Variants in ZNF701 observed in about 807,000 individuals in gnomAD.
ZNF701 encodes the protein zinc finger protein 701.
In ZNF701, 6 loss-of-function variants were observed where a neutral mutation model predicts 7.1. That is an observed-to-expected ratio of 0.84 (90% CI 0.46 to 1.66). ZNF701 has a LOEUF of 1.66. Ranked by LOEUF, ZNF701 falls within the 40% of genes most tolerant of loss-of-function variation. The pLI is 0.01. For missense variants in ZNF701, 541 were observed against 559.2 expected, an observed-to-expected ratio of 0.97 and a Z score of 0.33; for synonymous variants, 166 against 188.2, an observed-to-expected ratio of 0.88 and a Z score of 0.97.
At position 52,583,769 on chromosome 19, in the gene ZNF701, C is replaced by A; in HGVS notation, c.*312C>A. 1 of 663,684 alleles carries A rather than the reference C, an allele frequency of 1.5e-6. No homozygotes were observed. The allele number at this position is 663,684 out of a possible 1,614,324, so 41.1% of individuals were successfully genotyped here. ...CAACACTTACTCACCATCAAGCAAT[C>A]CATGGTATAGGGAAACTTGACTAAT... On this transcript the variant is annotated 3_prime_UTR_variant, in exon 4 of 4. Coordinates refer to ENST00000391785, the MANE Select transcript of ZNF701 (RefSeq NM_018260.3).
chr19:52,576,166 C>G, intron 3 of ZNF701, 145 bp downstream of exon 3: 1 of 1,531,800 alleles, frequency 6.5e-7, no homozygotes, highest in Non-Finnish European at 8.7e-7. Context: ...GATGTAGCAT[C>G]TGGACTTTCA....
chr19:52,574,371 T>C (rs2059919884), intron 2 of ZNF701, among the ~76,000 whole-genome samples: 1 of 152,096 alleles, frequency 6.6e-6, no homozygotes, highest in African/African-American at 2.4e-5. Flanking sequence ...GCACTGGGCA[T>C]GGTCCTGGGA....
intron 2 of ZNF701, among the ~76,000 whole-genome samples, chr19:52,575,117 C>A (rs2059925075): frequency 6.6e-6 from 1 of 152,036 alleles, no homozygotes; most frequent in Admixed American, 6.6e-5. Context: ...CTACAGGCAC[C>A]CCCCACCACG....
intron 1 of ZNF701, chr19:52,570,979 C>G (rs1034968912): frequency 1.3e-5 from 2 of 152,012 alleles, no homozygotes; most frequent in African/African-American, 4.9e-5. Flanking sequence ...ATTGTGTGGG[C>G]TAAAGAGATC....
At chr19:52,578,253 CAAA>C (rs58385761) in intron 3 of ZNF701, among the ~76,000 whole-genome samples, 44 of 40,924 alleles carry the variant, frequency 1.1e-3, no homozygotes, top group Non-Finnish European at 1.6e-3. Flanking sequence ...GACTCCGTCT[CAAA>C]AAAAAAAAAA....
chr19:52,582,088 G>T (rs1600084466), intron 3 of ZNF701, 114 bp from the exon 4 acceptor site: 2 of 896,328 alleles, frequency 2.2e-6, no homozygotes. Context: ...AAACTTTGAA[G>T]ATCATGTTTG....
intron 3 of ZNF701, among the ~76,000 whole-genome samples, chr19:52,577,675 A>G (rs586746): frequency 0.76 from 115,740 of 151,706 alleles, 45,024 homozygotes; most frequent in African/African-American, 0.91. Flanking sequence ...AAGCGGTAAC[A>G]CCAGTGTCTG....
intron 2 of ZNF701, among the ~76,000 whole-genome samples, chr19:52,574,902 A>T (rs186352788): frequency 2.0e-5 from 3 of 152,182 alleles, no homozygotes; most frequent in Non-Finnish European, 1.5e-5. Flanking sequence ...CTGCCAAATT[A>T]TCCTTTTCCA....
chr19:52,590,158 T>C (rs575019631), downstream of ZNF701, among the ~76,000 whole-genome samples: 3 of 150,370 alleles, frequency 2.0e-5, no homozygotes, highest in South Asian at 4.2e-4. Flanking sequence ...TGGAGTACAG[T>C]GGGGCGATCT....
Position 52,579,097 on chromosome 19 carries a change from A to T in ZNF701, c.142+3076A>T, listed in dbSNP as rs1421697958. 2.8e-5 allele frequency among the ~76,000 whole-genome samples: 4 copies of T among 142,020 alleles called. 1 individual carries two copies. The highest frequency in any genetic ancestry group is 1.2e-4 in the African/African-American group (4 of 32,652). The allele number at this position is 142,020 out of a possible 152,430, so 93.2% of individuals were successfully genotyped here. A position where few individuals can be genotyped will look rare whatever the true frequency, so the allele number is the denominator to read the frequency against. On this transcript the variant is annotated intron_variant, in intron 3 of 3. Coordinates refer to ENST00000391785, the MANE Select transcript of ZNF701 (RefSeq NM_018260.3). ...ATGAAGTGTGTTGTATAGATAAAAT[A>T]AAAAGGCATGAAAAAAACACTGTAC... is the stretch of plus-strand genomic sequence containing the variant.
In ZNF701 at chr19:52,582,803, C is replaced by T. The variant is rs936069590; in HGVS notation, c.744C>T (p.Cys248=). 10 of 1,613,988 alleles carry T rather than the reference C, an allele frequency of 6.2e-6. No homozygotes were observed. The highest frequency in any genetic ancestry group is 2.2e-5 in the East Asian group (1 of 44,896). ...LGDKQYKCDV[C]GKDFHQKRYL... ...ACAAACAGTATAAATGTGATGTATG[C>T]GGCAAGGACTTTCATCAGAAGCGAT... The change falls in exon 4 of 4, where the codon TGC becomes TGT. Residue 248 remains cysteine, a synonymous_variant. Transcript: ENST00000391785.
chr19:52,572,266 G>T (rs8104138), intron 1 of ZNF701: 241,342 of 541,674 alleles, frequency 0.45, 55,339 homozygotes, highest in Non-Finnish European at 0.49. Context: ...TGTTGGTCAG[G>T]ATGGTCTCGA....
intron 3 of ZNF701, among the ~76,000 whole-genome samples, chr19:52,577,907 G>A (rs1278930564): frequency 1.3e-5 from 2 of 152,094 alleles, no homozygotes; most frequent in African/African-American, 4.8e-5. Flanking sequence ...CCTCTTTGAA[G>A]TTCATAGTAG....
Position 52,574,111 on chromosome 19 carries a change from A to G in ZNF701, c.-37A>G, listed in dbSNP as rs1487385722. The G allele has an allele frequency of 1.9e-6, 3 of 1,612,338 alleles. No individual in the cohort carries two copies. The highest frequency in any genetic ancestry group is 2.7e-5 in the African/African-American group (2 of 74,860). On this transcript the variant is annotated 5_prime_UTR_variant, in exon 2 of 4. Transcript: ENST00000391785. ...CTAAAGACTTGGTACGTGAGGAAAAAACACGGAAGAGGAAGAGGAAAGCAA... is the reference window on the plus strand; with the variant it reads ...CTAAAGACTTGGTACGTGAGGAAAAGACACGGAAGAGGAAGAGGAAAGCAA...
downstream of ZNF701, among the ~76,000 whole-genome samples, chr19:52,588,002 T>C (rs1156812436): frequency 1.3e-5 from 2 of 152,178 alleles, no homozygotes; most frequent in African/African-American, 4.8e-5. Context: ...TGCTGCATCG[T>C]GTGCGTGGAC....
intron 3 of ZNF701, 40 bp from the exon 4 acceptor site, chr19:52,582,162 C>T (rs549620614): frequency 2.8e-5 from 42 of 1,496,196 alleles, no homozygotes; most frequent in African/African-American, 5.6e-5. Context: ...GTATAACTTC[C>T]GTACTTAATT....
chr19:52,580,680 G>T (rs1409674200), intron 3 of ZNF701, among the ~76,000 whole-genome samples: 1 of 152,092 alleles, frequency 6.6e-6, no homozygotes. Context: ...TTACAATTCT[G>T]CAGGCTGCAT....
chr19:52,592,790 A>AT, the ZNF701 span, among the ~76,000 whole-genome samples: 3 of 119,612 alleles, frequency 2.5e-5, 1 homozygote, highest in Non-Finnish European at 3.7e-5. Flanking sequence ...TTTTATTTTT[A>AT]TTTTTTTTAT....
chr19:52,579,972 C>T (rs1243872162), intron 3 of ZNF701, among the ~76,000 whole-genome samples: 8 of 142,070 alleles, frequency 5.6e-5, no homozygotes, highest in East Asian at 2.0e-4. Flanking sequence ...GATGGAGTCT[C>T]GCTCTGTAGC....
Sources: gnomAD v4.1 joint callset for allele counts (sites outside exome capture counted in the v4.1 genomes callset) on GRCh38, gnomAD v4.1.1 for gene constraint, MANE v1.5 for transcripts, NCBI Gene and HGNC (gene_info 2026-07-23, HGNC 2026-07-21) for gene names.